Variants in PLCB1 observed in about 807,000 individuals in gnomAD.
PLCB1 encodes 1-phosphatidylinositol 4,5-bisphosphate phosphodiesterase beta-1.
Under a neutral mutation model 161.8 loss-of-function variants are expected in PLCB1, and 46 were observed. That is an observed-to-expected ratio of 0.28 (90% CI 0.22 to 0.36). PLCB1 has a LOEUF of 0.36. PLCB1 is among the 10% of genes least tolerant of loss of function. PLCB1 has a pLI of 1.00. For synonymous variants in PLCB1, 517 were observed against 503.7 expected (o/e 1.03, Z -0.35); for missense variants, 1,016 against 1,472.5 (o/e 0.69, Z 5.07).
chr20:8,630,016 C>CT (rs1988531584), intron 4 of PLCB1, among the ~76,000 whole-genome samples: 2 of 90,646 alleles, frequency 2.2e-5, no homozygotes, highest in Admixed American at 1.4e-4. Context: ...CTTTCTCTTT[C>CT]TTCTTTCCTT....
chr20:8,697,580 C>G (rs1387999850), intron 10 of PLCB1, 46 bp from the exon 11 acceptor site: 1 of 1,604,926 alleles, frequency 6.2e-7, no homozygotes, highest in African/African-American at 1.3e-5. Context: ...CCACGGTCAT[C>G]CTTGCTTCAT....
At chr20:8,777,382 C>A (rs1208901713) in intron 27 of PLCB1, among the ~76,000 whole-genome samples, 1 of 152,070 alleles carries the variant, frequency 6.6e-6, no homozygotes, top group Non-Finnish European at 1.5e-5. Context: ...GGGTCTCCAG[C>A]AGATGACTCA....
chr20:8,326,684 T>G (rs1985168374), intron 2 of PLCB1, among the ~76,000 whole-genome samples: 2 of 152,306 alleles, frequency 1.3e-5, no homozygotes, highest in South Asian at 4.1e-4. Context: ...GTCTTTTACT[T>G]TTTTAAAAGA....
intron 31 of PLCB1, among the ~76,000 whole-genome samples, chr20:8,868,447 G>T (rs139019401): frequency 6.6e-6 from 1 of 152,178 alleles, no homozygotes. Flanking sequence ...CGATTATTTT[G>T]TGAAAGCAAC....
chr20:8,767,246 G>C (rs1288309422), intron 26 of PLCB1, among the ~76,000 whole-genome samples: 1 of 152,048 alleles, frequency 6.6e-6, no homozygotes, highest in Non-Finnish European at 1.5e-5. Context: ...GGCCTCCTTC[G>C]GTAGGGACTG....
chr20:8,332,960 C>A (rs2719771), intron 2 of PLCB1, among the ~76,000 whole-genome samples: 54,131 of 152,044 alleles, frequency 0.36, 10,505 homozygotes, highest in African/African-American at 0.5. Context: ...AGATGGCTAG[C>A]TGATCACTAA....
At chr20:8,324,239 T>TGTGA (rs1491411768) in intron 2 of PLCB1, among the ~76,000 whole-genome samples, 13 of 136,254 alleles carry the variant, frequency 9.5e-5, no homozygotes, top group Middle Eastern at 4.3e-3. Flanking sequence ...TGTGTGTGTG[T>TGTGA]GAAACTACGT....
chr20:8,870,174 C>T (rs1001883464), intron 31 of PLCB1, among the ~76,000 whole-genome samples: 1 of 152,144 alleles, frequency 6.6e-6, no homozygotes, highest in Non-Finnish European at 1.5e-5. Context: ...GTCAATCTAC[C>T]ACAGAGGAGA....
At chr20:8,649,119 G>A (rs986254840) in intron 6 of PLCB1, among the ~76,000 whole-genome samples, 3 of 152,086 alleles carry the variant, frequency 2.0e-5, no homozygotes, top group African/African-American at 7.2e-5. Flanking sequence ...ATTATTTAAT[G>A]CAATATTTTT....
At chr20:8,501,998 C>CA (rs1203778897) in intron 3 of PLCB1, among the ~76,000 whole-genome samples, 2 of 144,664 alleles carry the variant, frequency 1.4e-5, no homozygotes, top group Non-Finnish European at 3.0e-5. Context: ...AATGCAATTC[C>CA]AAAAAAACAA....
intron 2 of PLCB1, among the ~76,000 whole-genome samples, chr20:8,190,715 C>T (rs1041491669): frequency 6.6e-6 from 1 of 152,092 alleles, no homozygotes; most frequent in Non-Finnish European, 1.5e-5. Flanking sequence ...TAAGGGCGAG[C>T]ATTAACTCTC....
intron 3 of PLCB1, among the ~76,000 whole-genome samples, chr20:8,386,218 T>G (rs1208891415): frequency 6.6e-6 from 1 of 152,220 alleles, no homozygotes; most frequent in African/African-American, 2.4e-5. Flanking sequence ...TAAATTTACT[T>G]AGCCCACATC....
At chr20:8,606,783 T>C (rs1198865633) in intron 3 of PLCB1, among the ~76,000 whole-genome samples, 1 of 152,226 alleles carries the variant, frequency 6.6e-6, no homozygotes, top group Non-Finnish European at 1.5e-5. Context: ...TGACAGAATT[T>C]CTCTCAAACC....
intron 3 of PLCB1, among the ~76,000 whole-genome samples, chr20:8,381,733 A>G (rs1987259634): frequency 6.6e-6 from 1 of 152,112 alleles, no homozygotes; most frequent in Non-Finnish European, 1.5e-5. Flanking sequence ...ATTCGCATAG[A>G]GGTGTTTATA....
intron 2 of PLCB1, among the ~76,000 whole-genome samples, chr20:8,236,030 T>G (rs1212770496): frequency 6.6e-6 from 1 of 152,102 alleles, no homozygotes; most frequent in Non-Finnish European, 1.5e-5. Flanking sequence ...TACTACAAAT[T>G]CAGTTAAAGT....
chr20:8,830,043 T>A (rs1235527924), intron 31 of PLCB1, among the ~76,000 whole-genome samples: 1 of 152,232 alleles, frequency 6.6e-6, no homozygotes, highest in East Asian at 1.9e-4. Context: ...TTATAACTGC[T>A]GGTCCAAGAG....
chr20:8,390,280 G>A (rs1020954573), intron 3 of PLCB1, among the ~76,000 whole-genome samples: 3 of 152,088 alleles, frequency 2.0e-5, no homozygotes, highest in Non-Finnish European at 4.4e-5. Context: ...TGCCTTCCCC[G>A]CATCTTCACG....
intron 3 of PLCB1, among the ~76,000 whole-genome samples, chr20:8,417,171 C>T (rs547492278): frequency 7.0e-6 from 1 of 143,810 alleles, no homozygotes; most frequent in East Asian, 2.1e-4. Context: ...ACCACAAGCT[C>T]CGCCTCCCAG....
intron 2 of PLCB1, among the ~76,000 whole-genome samples, chr20:8,331,623 C>T (rs553847951): frequency 6.6e-6 from 1 of 152,274 alleles, no homozygotes; most frequent in African/African-American, 2.4e-5. Flanking sequence ...AGGCACTTCA[C>T]TAAAAGAGTG....
Sources: gnomAD v4.1 joint callset for allele counts (sites outside exome capture counted in the v4.1 genomes callset) on GRCh38, gnomAD v4.1.1 for gene constraint, MANE v1.5 for transcripts, NCBI Gene and HGNC (gene_info 2026-07-23, HGNC 2026-07-21) for gene names.